NFIA: variants seen among roughly 807,000 people sequenced by gnomAD.
The protein encoded by NFIA is nuclear factor 1 A-type.
A neutral mutation model predicts 62.8 loss-of-function variants in NFIA; 8 were observed. The ratio of observed to expected loss-of-function variants is 0.13; its 90% CI spans 0.07 to 0.23. The LOEUF (loss-of-function observed/expected upper bound fraction) is 0.23. Ranked by LOEUF, NFIA falls within the 10% of genes least tolerant of loss-of-function variation. NFIA has a pLI of 1.00. For missense variants in NFIA, 410 were observed against 642.1 expected (o/e 0.64, Z 3.91); for synonymous variants, 235 against 238.1 (o/e 0.99, Z 0.12).
intron 9 of NFIA, among the ~76,000 whole-genome samples, chr1:61,419,905 G>A (rs1208359319): frequency 1.3e-5 from 2 of 152,170 alleles, no homozygotes; most frequent in African/African-American, 4.8e-5. Context: ...GTGAGTTTTT[G>A]TTGTTGCTGT....
chr1:61,307,290 G>A (rs955336746), intron 3 of NFIA, among the ~76,000 whole-genome samples: 1 of 152,186 alleles, frequency 6.6e-6, no homozygotes, highest in Non-Finnish European at 1.5e-5. Context: ...CTCTTATAAA[G>A]AGAACACAGA....
At chr1:61,086,385 A>G (rs1006565887) in intron 1 of NFIA, among the ~76,000 whole-genome samples, 1 of 152,174 alleles carries the variant, frequency 6.6e-6, no homozygotes, top group African/African-American at 2.4e-5. Flanking sequence ...CCTGTCACCT[A>G]AAGTATGAGA....
At chr1:61,408,469 T>C (rs1442897764) in intron 9 of NFIA, among the ~76,000 whole-genome samples, 3 of 152,230 alleles carry the variant, frequency 2.0e-5, no homozygotes, top group Non-Finnish European at 2.9e-5. Context: ...GGATGTTGGC[T>C]TACAGATTAT....
intron 3 of NFIA, among the ~76,000 whole-genome samples, chr1:61,325,082 T>G (rs1242504181): frequency 6.6e-6 from 1 of 152,228 alleles, no homozygotes; most frequent in African/African-American, 2.4e-5. Flanking sequence ...GCAACCTGGC[T>G]TTTTATCTGA....
At chr1:61,408,039 G>T (rs888700458) in intron 9 of NFIA, among the ~76,000 whole-genome samples, 4 of 152,316 alleles carry the variant, frequency 2.6e-5, no homozygotes, top group African/African-American at 9.6e-5. Context: ...AATCCAGATG[G>T]CTAGAGGCCC....
chr1:61,407,323 G>A (rs1156885444), intron 9 of NFIA, among the ~76,000 whole-genome samples: 1 of 152,124 alleles, frequency 6.6e-6, no homozygotes, highest in Non-Finnish European at 1.5e-5. Flanking sequence ...AGAGGGGAGA[G>A]TAGGATGGAA....
At chr1:61,338,308 G>A (rs967846915) in intron 4 of NFIA, among the ~76,000 whole-genome samples, 14 of 152,208 alleles carry the variant, frequency 9.2e-5, no homozygotes, top group African/African-American at 3.4e-4. Flanking sequence ...CTCAGCTGCC[G>A]GGTCCACTAC....
At position 61,313,134 on chromosome 1, in the gene NFIA, C is replaced by G. The variant is rs528443874; in HGVS notation, c.626-19378C>G. Among the ~76,000 whole-genome samples, 13 of 152,294 alleles carry G rather than the reference C, an allele frequency of 8.5e-5. No individual in the cohort carries two copies. In the South Asian group the frequency reaches 2.3e-3, roughly 27 times the overall value. On this transcript the variant is annotated intron_variant, in intron 3 of 10. Transcript: ENST00000403491. ...TGTGTTAGCGGTGACAAATTGTATT[C>G]AGAGAGAATGGCTTCAGTGGTATTG...
intron 2 of NFIA, among the ~76,000 whole-genome samples, chr1:61,235,057 A>G (rs1654909030): frequency 6.6e-6 from 1 of 152,222 alleles, no homozygotes; most frequent in South Asian, 2.1e-4. Context: ...GAAAGAAGCT[A>G]TTCCCACAAA....
rs17122076 is a variant in NFIA, at chr1:61,384,764, A to C, written c.1075+1399A>C. Among the ~76,000 whole-genome samples, 792 of 152,202 alleles carry C rather than the reference A, an allele frequency of 5.2e-3. 11 individuals are homozygous for C. The highest frequency in any genetic ancestry group is 0.041 in the East Asian group (214 of 5,172). ...GTCAAGTTAACATATTCTAAATGCT[A>C]ACTGAATGGTAAAAGTTCCTGCAGG... On this transcript the variant is annotated intron_variant, in intron 7 of 10. Coordinates refer to ENST00000403491, the MANE Select transcript of NFIA (RefSeq NM_001134673.4).
At chr1:61,266,381 A>AT (rs1657169716) in intron 2 of NFIA, among the ~76,000 whole-genome samples, 2 of 151,034 alleles carry the variant, frequency 1.3e-5, no homozygotes, top group South Asian at 4.2e-4. Flanking sequence ...TTTTTATTTT[A>AT]TTTTATTTTT....
At position 61,383,376 on chromosome 1, in the gene NFIA, C is replaced by G; in HGVS notation, c.1075+11C>G. On this transcript the variant is annotated intron_variant, in intron 7 of 10. Coordinates refer to ENST00000403491, the MANE Select transcript of NFIA (RefSeq NM_001134673.4). ...TTACAGGACCCAGAGGTGAGCTGCT[C>G]CACAGGCACCCTTGGTTGTGCTTAT... 1 of 1,613,628 alleles carries G rather than the reference C, an allele frequency of 6.2e-7. No homozygotes were observed. Among genetic ancestry groups the G allele is most frequent in the Non-Finnish European group, 8.5e-7 (1 of 1,179,706 alleles).
Position 61,112,341 on chromosome 1 carries a change from A to G in NFIA, c.559+23661A>G, listed in dbSNP as rs578059090. Among the ~76,000 whole-genome samples, 31 of 152,310 alleles carry G rather than the reference A, an allele frequency of 2.0e-4. No individual in the cohort carries two copies. The East Asian group carries it at 5.8e-3, about 28-fold the overall frequency. On this transcript the variant is annotated intron_variant, in intron 2 of 10. Transcript: ENST00000403491. ...GTAATGATAACAAGAAATTAAAATCAAGGTACAGTATCATTTATATGTAGT... is the reference window on the plus strand; with the variant it reads ...GTAATGATAACAAGAAATTAAAATCGAGGTACAGTATCATTTATATGTAGT...
chr1:61,332,012 A>AT (rs1661326015), intron 3 of NFIA, among the ~76,000 whole-genome samples: 1 of 152,098 alleles, frequency 6.6e-6, no homozygotes, highest in Non-Finnish European at 1.5e-5. Context: ...TGCTTTTTCT[A>AT]TTTTGACTTT....
At chr1:61,340,168 C>A (rs1661822487) in intron 4 of NFIA, among the ~76,000 whole-genome samples, 1 of 151,940 alleles carries the variant, frequency 6.6e-6, no homozygotes, top group Non-Finnish European at 1.5e-5. Flanking sequence ...ACTATGAATA[C>A]TCTTATTATA....
chr1:61,215,551 G>A (rs561725894), intron 2 of NFIA, among the ~76,000 whole-genome samples: 1 of 152,026 alleles, frequency 6.6e-6, no homozygotes, highest in Non-Finnish European at 1.5e-5. Flanking sequence ...TTAATGTAAG[G>A]TTCTTTCCAC....
intron 4 of NFIA, among the ~76,000 whole-genome samples, chr1:61,335,421 A>C (rs1160226169): frequency 1.3e-5 from 2 of 152,184 alleles, no homozygotes; most frequent in Admixed American, 1.3e-4. Context: ...ATCCCTCAGC[A>C]TTGCCTTGCA....
chr1:61,167,421 A>T (rs997880765), intron 2 of NFIA, among the ~76,000 whole-genome samples: 1 of 152,136 alleles, frequency 6.6e-6, no homozygotes, highest in African/African-American at 2.4e-5. Flanking sequence ...TGCTATCTTG[A>T]TGCTTGGTTA....
At chr1:61,109,352 C>T (rs568521986) in intron 2 of NFIA, among the ~76,000 whole-genome samples, 2 of 151,816 alleles carry the variant, frequency 1.3e-5, no homozygotes, top group Non-Finnish European at 2.9e-5. Flanking sequence ...TCCCAACTGT[C>T]ATTGTTCACA....
Sources: gnomAD v4.1 joint callset for allele counts (sites outside exome capture counted in the v4.1 genomes callset) on GRCh38, gnomAD v4.1.1 for gene constraint, MANE v1.5 for transcripts, NCBI Gene and HGNC (gene_info 2026-07-23, HGNC 2026-07-21) for gene names.